Variants in AQR observed in about 807,000 individuals in gnomAD.
The protein encoded by AQR is RNA helicase aquarius.
In AQR, 61 loss-of-function variants were observed where a neutral mutation model predicts 180.5. That is an observed-to-expected ratio of 0.34 (90% confidence interval 0.28 to 0.42). The LOEUF is 0.42. AQR is among the 10% of genes least tolerant of loss of function. The pLI is 1.00. For synonymous variants in AQR, 551 were observed against 588.8 expected (o/e 0.94, Z 0.93); for missense variants, 1,281 against 1,798.3 (o/e 0.71, Z 5.20).
At chr15:34,920,611 C>A (rs893977499) in intron 13 of AQR, among the ~76,000 whole-genome samples, 177 bp from the exon 14 acceptor site, 2 of 152,168 alleles carry the variant, frequency 1.3e-5, no homozygotes, top group African/African-American at 2.4e-5. Flanking sequence ...ATATTTTCTG[C>A]AAACCTCTCA....
At chr15:34,916,817 T>A (rs1296709945) in intron 15 of AQR, among the ~76,000 whole-genome samples, 1 of 144,434 alleles carries the variant, frequency 6.9e-6, no homozygotes, top group African/African-American at 2.6e-5. Flanking sequence ...CCATGAGTAT[T>A]CAATCAGAAA....
chr15:34,969,453 TA>T, intron 1 of AQR, 85 bp downstream of exon 1: 1 of 1,458,704 alleles, frequency 6.9e-7, no homozygotes, highest in Non-Finnish European at 9.4e-7. Context: ...TCCGGACTCC[TA>T]AATCCTGAAA....
At chr15:34,859,696 G>C (rs532719005) in intron 34 of AQR, among the ~76,000 whole-genome samples, 2 of 152,290 alleles carry the variant, frequency 1.3e-5, no homozygotes, top group East Asian at 3.9e-4. Context: ...GCCTGGGAAG[G>C]TAAAAAGGGG....
At chr15:34,902,457 C>T (rs1893345650) in intron 19 of AQR, among the ~76,000 whole-genome samples, 1 of 152,022 alleles carries the variant, frequency 6.6e-6, no homozygotes, top group African/African-American at 2.4e-5. Flanking sequence ...TTAATCATTC[C>T]CCCTCTTTCT....
chr15:34,962,756 C>T (rs1422259048), intron 2 of AQR, among the ~76,000 whole-genome samples: 5 of 149,790 alleles, frequency 3.3e-5, no homozygotes, highest in Admixed American at 6.7e-5. Context: ...GTGACAAGAG[C>T]GAGACTCCAC....
chr15:34,926,022 ACGGGCGTGGTGG>A lies in AQR; in HGVS notation c.1118+1001_1118+1012del, dbSNP rs559635382. Among the ~76,000 whole-genome samples, 1,137 of 147,318 alleles carry A rather than the reference ACGGGCGTGGTGG, an allele frequency of 7.7e-3. 5 individuals carry two copies. The highest frequency in any genetic ancestry group is 0.014 in the Admixed American group (202 of 14,814). On this transcript the variant is annotated intron_variant, in intron 13 of 34. Transcript: ENST00000156471. ...CTCTACTAAAAATACAAAAAATTAGACGGGCGTGGTGGCGGGCGCCTGTAGTCCCAGCTACTC... is the reference window on the plus strand; with the variant it reads ...CTCTACTAAAAATACAAAAAATTAGACGGGCGCCTGTAGTCCCAGCTACTC...
intron 17 of AQR, 81 bp from the exon 18 acceptor site, chr15:34,906,793 C>T (rs768849372): frequency 6.5e-6 from 9 of 1,378,222 alleles, no homozygotes; most frequent in Non-Finnish European, 8.9e-6. Context: ...ATTTGCCTCT[C>T]TACCTCTTAT....
intron 2 of AQR, among the ~76,000 whole-genome samples, chr15:34,963,671 T>A (rs868755327): frequency 6.8e-6 from 1 of 146,644 alleles, no homozygotes; most frequent in Admixed American, 6.6e-5. Flanking sequence ...CTTTTTTTTT[T>A]TCTTTTTTTT....
chr15:34,862,969 G>A lies in AQR; in HGVS notation c.3927C>T (p.Leu1309=), dbSNP rs1462719684. The change falls in exon 33 of 35, where the codon CTC becomes CTT. Residue 1309 remains leucine (L), a synonymous_variant. Transcript: ENST00000156471. ...LGLYIFARVS[L]FQNCFELTPA... ...GAGTCAGTTCAAAACAGTTTTGGAA[G>A]AGGGATACTCTGGCGAAGATATAAA... is the stretch of plus-strand genomic sequence containing the variant. 7.4e-6 allele frequency: 12 copies of A among 1,613,878 alleles called. No homozygotes were observed. Among genetic ancestry groups the A allele is most frequent in the Non-Finnish European group, 1.0e-5 (12 of 1,179,890 alleles).
chr15:34,951,258 C>T (rs1894226824), intron 4 of AQR, among the ~76,000 whole-genome samples: 1 of 152,206 alleles, frequency 6.6e-6, no homozygotes, highest in Admixed American at 6.5e-5. Flanking sequence ...CCATCAATTA[C>T]TCTCTACAAC....
At position 34,873,964 on chromosome 15, in the gene AQR, A is replaced by C. The variant is rs1335569180; in HGVS notation, c.3461T>G (p.Leu1154Arg). Residue 1154 changes from leucine (L) to arginine (R), a missense_variant, in exon 30 of 35, where the codon CTA becomes CGA. Leu to Arg is a moderately radical substitution (Grantham distance 102, BLOSUM62 -2). Transcript: ENST00000156471. ...GAGCTGCACATGGGGTAAGTTTCCT[A>C]GATTCTTGTATCGCCAGTTGTAGAG... ...CNLYNWRYKN[L>R]GNLPHVQLLP... 1 of 1,610,464 alleles carries C rather than the reference A, an allele frequency of 6.2e-7. No individual in the cohort carries two copies.
intron 33 of AQR, among the ~76,000 whole-genome samples, chr15:34,860,733 T>C (rs905413323): frequency 2.0e-5 from 3 of 152,218 alleles, no homozygotes; most frequent in African/African-American, 7.2e-5. Flanking sequence ...TAACATTTAC[T>C]TTTATTTAAC....
chr15:34,866,301 C>T (rs1892737497), intron 32 of AQR, among the ~76,000 whole-genome samples: 1 of 151,334 alleles, frequency 6.6e-6, no homozygotes, highest in Non-Finnish European at 1.5e-5. Context: ...CCACCACCAA[C>T]ACTATCCCCC....
intron 3 of AQR, 27 bp from the exon 4 acceptor site, chr15:34,952,947 T>A (rs1894255204): frequency 7.7e-7 from 1 of 1,294,044 alleles, no homozygotes; most frequent in Admixed American, 2.2e-5. Context: ...AAATAAAATG[T>A]TTAAAATAGA....
chr15:34,877,055 T>C (rs958026704), intron 27 of AQR, among the ~76,000 whole-genome samples: 2 of 152,238 alleles, frequency 1.3e-5, no homozygotes, highest in African/African-American at 4.8e-5. Context: ...AATGTATCTT[T>C]TCCGTAGCCC....
At chr15:34,937,274 C>T (rs907248618) in intron 9 of AQR, among the ~76,000 whole-genome samples, 7 of 152,118 alleles carry the variant, frequency 4.6e-5, no homozygotes, top group Non-Finnish European at 1.0e-4. Context: ...ATCCACCCAC[C>T]TCAGCCTCCC....
chr15:34,860,632 G>A (rs1326753162), intron 33 of AQR, among the ~76,000 whole-genome samples: 1 of 152,224 alleles, frequency 6.6e-6, no homozygotes, highest in Non-Finnish European at 1.5e-5. Flanking sequence ...TTCTAAGACT[G>A]TGTATGCTCC....
chr15:34,912,640 G>C (rs539826237), intron 16 of AQR, among the ~76,000 whole-genome samples: 3 of 150,518 alleles, frequency 2.0e-5, no homozygotes, highest in South Asian at 4.2e-4. Flanking sequence ...CTATGGATTG[G>C]AAGGAAAAAA....
At chr15:34,947,319 C>A (rs1001385407) in intron 5 of AQR, among the ~76,000 whole-genome samples, 2 of 150,962 alleles carry the variant, frequency 1.3e-5, no homozygotes, top group African/African-American at 2.4e-5. Flanking sequence ...GCAGCATGCT[C>A]GTTAAGAGTC....
Sources: allele counts gnomAD v4.1 joint callset (sites outside exome capture counted in the v4.1 genomes callset), GRCh38; gene constraint gnomAD v4.1.1; transcripts MANE v1.5; gene names NCBI Gene and HGNC (gene_info 2026-07-23, HGNC 2026-07-21).